NEBL: variants seen among roughly 807,000 people sequenced by gnomAD.
NEBL encodes the protein LIM and SH3 protein 2.
A neutral mutation model predicts 140.2 loss-of-function variants in NEBL; 122 were observed. The ratio of observed to expected loss-of-function variants is 0.87; its 90% CI spans 0.75 to 1.01. The LOEUF (loss-of-function observed/expected upper bound fraction) is 1.01, where lower values mean the gene tolerates loss of function less well. Ranked by LOEUF, NEBL falls within the 50% of genes least tolerant of loss-of-function variation. The pLI, the probability that NEBL is intolerant of heterozygous loss-of-function variation, is 0.00. For synonymous variants in NEBL, 436 were observed against 398.9 expected (o/e 1.09, Z -1.11); for missense variants, 1,365 against 1,231.3 (o/e 1.11, Z -1.62).
intron 4 of NEBL, among the ~76,000 whole-genome samples, chr10:20,935,378 A>G (rs951869299): frequency 2.0e-5 from 3 of 152,246 alleles, no homozygotes; most frequent in Non-Finnish European, 2.9e-5. Flanking sequence ...AATATCAAGT[A>G]AGGCAGCAGA....
intron 4 of NEBL, among the ~76,000 whole-genome samples, chr10:20,913,121 T>C (rs556755623): frequency 8.5e-5 from 13 of 152,088 alleles, no homozygotes; most frequent in Admixed American, 3.9e-4. Context: ...GAGTCTGAAA[T>C]AGAACATCCA....
At chr10:20,871,974 C>G (rs1400365220) in intron 5 of NEBL, among the ~76,000 whole-genome samples, 2 of 152,132 alleles carry the variant, frequency 1.3e-5, no homozygotes, top group Non-Finnish European at 2.9e-5. Context: ...CAAATTATCA[C>G]CCACCTACAA....
At chr10:20,886,352 G>A (rs919381374) in intron 4 of NEBL, among the ~76,000 whole-genome samples, 1 of 151,842 alleles carries the variant, frequency 6.6e-6, no homozygotes, top group Admixed American at 6.6e-5. Flanking sequence ...GCGAGACCCC[G>A]TCTCTACTAA....
chr10:20,798,504 A>G (rs1836796559), intron 26 of NEBL, among the ~76,000 whole-genome samples: 1 of 152,218 alleles, frequency 6.6e-6, no homozygotes, highest in East Asian at 1.9e-4. Flanking sequence ...TCCAACTTGG[A>G]TATTGATTTT....
intron 4 of NEBL, among the ~76,000 whole-genome samples, chr10:20,930,675 C>T (rs557098941): frequency 6.6e-6 from 1 of 152,160 alleles, no homozygotes; most frequent in South Asian, 2.1e-4. Context: ...CCACTTGCTA[C>T]CCCTTCTGCC....
chr10:21,216,504 G>T (rs1276204837), intron 3 of NEBL, among the ~76,000 whole-genome samples: 1 of 151,958 alleles, frequency 6.6e-6, no homozygotes, highest in Non-Finnish European at 1.5e-5. Context: ...CAGGCGCAGT[G>T]GTTCAAGCCT....
chr10:20,974,075 G>A (rs116371193), intron 3 of NEBL, among the ~76,000 whole-genome samples: 2,084 of 152,142 alleles, frequency 0.014, 41 homozygotes, highest in African/African-American at 0.048. Flanking sequence ...GAGAAACTGA[G>A]GCTTAGTGGT....
At chr10:21,226,663 C>T (rs1460455628) in intron 3 of NEBL, among the ~76,000 whole-genome samples, 1 of 152,182 alleles carries the variant, frequency 6.6e-6, no homozygotes, top group Non-Finnish European at 1.5e-5. Flanking sequence ...GCACTGAGTT[C>T]CAATACCAAA....
intron 14 of NEBL, among the ~76,000 whole-genome samples, chr10:20,832,246 G>A (rs1840486152): frequency 6.6e-6 from 1 of 152,154 alleles, no homozygotes; most frequent in African/African-American, 2.4e-5. Flanking sequence ...CTGCAGAATT[G>A]GTTCTGGGAT....
rs560266386 is a variant in NEBL, at chr10:20,847,057, T to C, written c.1117-1689A>G. Among the ~76,000 whole-genome samples, 14 of 152,214 alleles carry C rather than the reference T, an allele frequency of 9.2e-5. No individual in the cohort carries two copies. In the South Asian group the frequency reaches 1.7e-3, roughly 18 times the overall value. On this transcript the variant is annotated intron_variant, in intron 11 of 27. Transcript: ENST00000377122. ...TTCTTGGGATCATAAATACTTAAGTTTACCTGTAAGAGGTTCCTTGAGGAA... is the reference window on the plus strand; with the variant it reads ...TTCTTGGGATCATAAATACTTAAGTCTACCTGTAAGAGGTTCCTTGAGGAA...
At chr10:20,835,101 T>C (rs750718505) in intron 14 of NEBL, among the ~76,000 whole-genome samples, 3 of 152,226 alleles carry the variant, frequency 2.0e-5, no homozygotes, top group Non-Finnish European at 4.4e-5. Context: ...GAATGACTAT[T>C]GTTCTCATGT....
intron 2 of NEBL, among the ~76,000 whole-genome samples, chr10:21,080,778 C>T (rs7074881): frequency 0.65 from 98,514 of 152,050 alleles, 34,027 homozygotes; most frequent in Middle Eastern, 0.83. Flanking sequence ...ACCCTCCCAA[C>T]AGTGCTAATT....
At chr10:20,877,537 A>C (rs1485098976) in intron 5 of NEBL, among the ~76,000 whole-genome samples, 2 of 152,202 alleles carry the variant, frequency 1.3e-5, no homozygotes, top group Non-Finnish European at 2.9e-5. Context: ...GCAGACATAC[A>C]CAAGTGAGCT....
chr10:20,894,742 G>A (rs368714187), intron 2 of NEBL, among the ~76,000 whole-genome samples: 349 of 129,768 alleles, frequency 2.7e-3, no homozygotes, highest in African/African-American at 9.5e-3. Context: ...GTGAAACCCC[G>A]TCTCTACTAA....
At chr10:21,124,909 A>G (rs1838749076) in intron 2 of NEBL, among the ~76,000 whole-genome samples, 2 of 152,220 alleles carry the variant, frequency 1.3e-5, no homozygotes, top group African/African-American at 4.8e-5. Context: ...GCAGTGAGTT[A>G]CGATCACAGG....
At chr10:21,004,877 T>C (rs1838065441) in intron 3 of NEBL, among the ~76,000 whole-genome samples, 1 of 152,346 alleles carries the variant, frequency 6.6e-6, no homozygotes. Context: ...GGAGAAACAC[T>C]GACTCACAGA....
At chr10:20,871,996 T>C (rs762702907) in intron 5 of NEBL, among the ~76,000 whole-genome samples, 17 of 152,184 alleles carry the variant, frequency 1.1e-4, no homozygotes, top group Non-Finnish European at 7.3e-5. Context: ...ACTAACTGTT[T>C]CTAAGTTACT....
At chr10:21,073,431 A>G (rs1043538877) in intron 2 of NEBL, among the ~76,000 whole-genome samples, 2 of 151,836 alleles carry the variant, frequency 1.3e-5, no homozygotes, top group Non-Finnish European at 2.9e-5. Flanking sequence ...AACCTGGCCA[A>G]CGTGGTGAAA....
At chr10:21,110,689 G>T (rs1043212397) in intron 2 of NEBL, 1 of 481,834 alleles carries the variant, frequency 2.1e-6, no homozygotes, top group Non-Finnish European at 4.1e-6. Flanking sequence ...CCCATGGAAG[G>T]CTCAGTGGAC....
Sources: allele counts gnomAD v4.1 joint callset (sites outside exome capture counted in the v4.1 genomes callset), GRCh38; gene constraint gnomAD v4.1.1; transcripts MANE v1.5; gene names NCBI Gene and HGNC (gene_info 2026-07-23, HGNC 2026-07-21).